The following CEP83 variants were observed in gnomAD, a reference collection of about 807,000 sequenced individuals.
CEP83 encodes the protein centrosomal protein 83, also known as centrosomal protein of 83 kDa.
In CEP83, 70 loss-of-function variants were observed where a neutral mutation model predicts 101.9. That is an observed-to-expected ratio of 0.69 (90% CI 0.57 to 0.84). The LOEUF is 0.84. Ranked by LOEUF, CEP83 falls within the 40% of genes least tolerant of loss-of-function variation. The pLI, the probability that CEP83 is intolerant of heterozygous loss-of-function variation, is 0.00. For synonymous variants in CEP83, 264 were observed against 267.9 expected, an observed-to-expected ratio of 0.99 and a Z score of 0.14; for missense variants, 715 against 787.2, an observed-to-expected ratio of 0.91 and a Z score of 1.10.
chr12:94,350,271 C>A (rs1044365319), intron 11 of CEP83, among the ~76,000 whole-genome samples: 1 of 152,106 alleles, frequency 6.6e-6, no homozygotes, highest in African/African-American at 2.4e-5. Context: ...AATAGTGTGA[C>A]ACTGACATAA....
At chr12:94,392,304 G>C (rs957669935) in intron 6 of CEP83, among the ~76,000 whole-genome samples, 1 of 152,188 alleles carries the variant, frequency 6.6e-6, no homozygotes, top group East Asian at 1.9e-4. Context: ...AGACCACAGT[G>C]CAATAAAATT....
At chr12:94,275,854 CAAAAAAAAAAAA>C in the CEP83 span, among the ~76,000 whole-genome samples, 3 of 23,074 alleles carry the variant, frequency 1.3e-4, 1 homozygote, top group Admixed American at 2.0e-3. Flanking sequence ...GACTCCGTCT[CAAAAAAAAAAAA>C]AAAAAAAAAA....
At chr12:94,365,241 C>T (rs1309893903) in intron 11 of CEP83, among the ~76,000 whole-genome samples, 1 of 151,922 alleles carries the variant, frequency 6.6e-6, no homozygotes, top group Non-Finnish European at 1.5e-5. Flanking sequence ...TAAAAATGGC[C>T]CTTAAACACA....
At chr12:94,292,381 G>C in the CEP83 span, among the ~76,000 whole-genome samples, 1 of 152,168 alleles carries the variant, frequency 6.6e-6, no homozygotes, top group Non-Finnish European at 1.5e-5. Flanking sequence ...GGTTATGCCA[G>C]TATATATTTA....
At chr12:94,268,693 C>T in the CEP83 span, among the ~76,000 whole-genome samples, 1 of 144,456 alleles carries the variant, frequency 6.9e-6, no homozygotes, top group Non-Finnish European at 1.5e-5. Flanking sequence ...CTCTGGGGTT[C>T]AAGCGATTCT....
intron 4 of CEP83, among the ~76,000 whole-genome samples, chr12:94,404,451 A>C (rs1201682436): frequency 6.6e-6 from 1 of 152,190 alleles, no homozygotes; most frequent in Non-Finnish European, 1.5e-5. Flanking sequence ...TGATTCTCAA[A>C]GGTGAGTTAA....
At chr12:94,394,383 C>T (rs1229807431) in intron 6 of CEP83, among the ~76,000 whole-genome samples, 5 of 152,076 alleles carry the variant, frequency 3.3e-5, no homozygotes, top group Admixed American at 3.3e-4. Context: ...GAAAGGATTC[C>T]CTATTTAATA....
At chr12:94,395,390 TTATGA>T (rs568513845) in intron 6 of CEP83, among the ~76,000 whole-genome samples, 1,786 of 152,106 alleles carry the variant, frequency 0.012, 22 homozygotes, top group Non-Finnish European at 0.021. Context: ...ATAATCACTA[TTATGA>T]TGAGTTTCCT....
At chr12:94,300,717 C>T in the CEP83 span, among the ~76,000 whole-genome samples, 1 of 152,188 alleles carries the variant, frequency 6.6e-6, no homozygotes. Flanking sequence ...CCTTCTTTTA[C>T]AGTAGCTCTG....
chr12:94,366,325 AAG>A (rs1257404763), intron 11 of CEP83, among the ~76,000 whole-genome samples: 4 of 152,194 alleles, frequency 2.6e-5, no homozygotes, highest in African/African-American at 9.7e-5. Context: ...GAAAAATCCT[AAG>A]TAACTTTGGA....
intron 6 of CEP83, among the ~76,000 whole-genome samples, chr12:94,385,356 A>C (rs1264371640): frequency 2.0e-5 from 3 of 152,074 alleles, no homozygotes; most frequent in Non-Finnish European, 4.4e-5. Flanking sequence ...GCCTCCTCTG[A>C]CATGACCCAG....
intron 11 of CEP83, among the ~76,000 whole-genome samples, chr12:94,350,342 C>G (rs3908179): frequency 0.76 from 115,015 of 152,068 alleles, 44,841 homozygotes; most frequent in East Asian, 0.98. Flanking sequence ...CTCCCATATA[C>G]GGTCAAATGA....
At chr12:94,355,229 C>T (rs751640555) in intron 11 of CEP83, among the ~76,000 whole-genome samples, 3 of 152,178 alleles carry the variant, frequency 2.0e-5, no homozygotes, top group Non-Finnish European at 4.4e-5. Flanking sequence ...CACAGTGGCT[C>T]ACACCTGTAA....
At chr12:94,316,988 G>T (rs906724310) in intron 14 of CEP83, among the ~76,000 whole-genome samples, 1 of 152,026 alleles carries the variant, frequency 6.6e-6, no homozygotes, top group South Asian at 2.1e-4. Flanking sequence ...GCTCTTTGAG[G>T]AATTACCACA....
intron 2 of CEP83, among the ~76,000 whole-genome samples, chr12:94,420,188 C>T (rs1250296043): frequency 1.3e-5 from 2 of 152,032 alleles, no homozygotes; most frequent in Admixed American, 1.3e-4. Flanking sequence ...GTAGTGTAAA[C>T]TGGCATATTC....
At chr12:94,459,025 G>A (rs2067931479) in intron 1 of CEP83, among the ~76,000 whole-genome samples, 1 of 152,160 alleles carries the variant, frequency 6.6e-6, no homozygotes, top group African/African-American at 2.4e-5. Context: ...TCATATACAC[G>A]AAATTCAGAC....
intron 6 of CEP83, among the ~76,000 whole-genome samples, chr12:94,381,986 T>A (rs2061875866): frequency 6.6e-6 from 1 of 152,088 alleles, no homozygotes. Flanking sequence ...TAAAATTCTC[T>A]AGTTAACTAT....
At position 94,343,470 on chromosome 12, in the gene CEP83, C is replaced by CTTTTTTTTTT. The variant is rs1161481202; in HGVS notation, c.1344-7816_1344-7807dup. On this transcript the variant is annotated intron_variant, in intron 11 of 16. Coordinates refer to ENST00000397809, the MANE Select transcript of CEP83 (RefSeq NM_016122.3). ...ACAATGCAATAAAGCTAGAAATTAA[C>CTTTTTTTTTT]TTTTTTTTTTTTTTTTTTTTTTTTT... 2.1e-3 allele frequency among the ~76,000 whole-genome samples: 177 copies of CTTTTTTTTTT among 84,170 alleles called. 5 individuals carry two copies. The highest frequency in any genetic ancestry group is 2.5e-3 in the Non-Finnish European group (116 of 46,436). 55.2% of individuals were successfully genotyped at this position (84,170 alleles called of 152,430 possible).
chr12:94,358,340 C>T (rs985163408), intron 11 of CEP83, among the ~76,000 whole-genome samples: 42 of 151,856 alleles, frequency 2.8e-4, no homozygotes, highest in Admixed American at 1.8e-3. Context: ...GTCCCTGGTA[C>T]GGGACTAGAA....
Sources: gnomAD v4.1 joint callset for allele counts (sites outside exome capture counted in the v4.1 genomes callset) on GRCh38, gnomAD v4.1.1 for gene constraint, MANE v1.5 for transcripts, NCBI Gene and HGNC (gene_info 2026-07-23, HGNC 2026-07-21) for gene names.